MTTP: variants seen among roughly 807,000 people sequenced by gnomAD.
MTTP encodes microsomal triglyceride transfer protein large subunit.
Under a neutral mutation model 90.6 loss-of-function variants are expected in MTTP, and 49 were observed. That is an observed-to-expected ratio of 0.54 (90% CI 0.43 to 0.69). The LOEUF (loss-of-function observed/expected upper bound fraction) is 0.69. MTTP is among the 30% of genes least tolerant of loss of function. MTTP has a pLI of 0.00. For missense variants in MTTP, 945 were observed against 1,067.5 expected (o/e 0.89, Z 1.60); for synonymous variants, 347 against 384.2 (o/e 0.90, Z 1.13).
chr4:99,586,684 T>C (rs953735588), intron 3 of MTTP, among the ~76,000 whole-genome samples: 3 of 152,314 alleles, frequency 2.0e-5, no homozygotes, highest in Admixed American at 6.5e-5. Context: ...GGATTCTTTT[T>C]ATTATTTTTA....
intron 1 of MTTP, among the ~76,000 whole-genome samples, chr4:99,566,297 G>GAAAAAAAAA (rs567380343): frequency 4.8e-4 from 56 of 117,264 alleles, no homozygotes; most frequent in Non-Finnish European, 5.0e-4. Context: ...TCAAAAAAAA[G>GAAAAAAAAA]AAAAAAAAAA....
chr4:99,591,886 G>C (rs1725432841), intron 6 of MTTP, 96 bp downstream of exon 6: 1 of 1,157,124 alleles, frequency 8.6e-7, no homozygotes, highest in Non-Finnish European at 1.3e-6. Context: ...GTGTGTGTGT[G>C]TGCGCGTGTA....
At chr4:99,565,463 G>A (rs1724658255) in intron 1 of MTTP, among the ~76,000 whole-genome samples, 1 of 152,144 alleles carries the variant, frequency 6.6e-6, no homozygotes, top group Admixed American at 6.5e-5. Flanking sequence ...ACAAAAAATT[G>A]AAACATATAG....
chr4:99,593,272 G>T (rs1220112787), intron 6 of MTTP, among the ~76,000 whole-genome samples: 1 of 151,898 alleles, frequency 6.6e-6, no homozygotes, highest in South Asian at 2.1e-4. Flanking sequence ...TATTGAACAG[G>T]TTTTAAGTTT....
At chr4:99,599,230 A>T (rs1267359732) in intron 8 of MTTP, among the ~76,000 whole-genome samples, 1 of 152,232 alleles carries the variant, frequency 6.6e-6, no homozygotes, top group African/African-American at 2.4e-5. Flanking sequence ...ATCTTTAATC[A>T]GATAATATTC....
intron 12 of MTTP, 45 bp from the exon 13 acceptor site, chr4:99,611,098 T>C (rs1392880266): frequency 1.1e-5 from 18 of 1,569,706 alleles, no homozygotes; most frequent in Non-Finnish European, 1.5e-5. Context: ...TGGGAAACAG[T>C]CATTACAATG....
chr4:99,613,482 G>A (rs1726013580), intron 15 of MTTP, among the ~76,000 whole-genome samples: 1 of 152,130 alleles, frequency 6.6e-6, no homozygotes, highest in Non-Finnish European at 1.5e-5. Context: ...TATCCTGAAG[G>A]CAGGAGCTGA....
chr4:99,604,245 A>G (rs1177383308), intron 10 of MTTP, among the ~76,000 whole-genome samples: 1 of 152,216 alleles, frequency 6.6e-6, no homozygotes, highest in Non-Finnish European at 1.5e-5. Flanking sequence ...GGAACCTGCC[A>G]TTCTGTGTAG....
chr4:99,614,588 C>T (rs1421466892), intron 15 of MTTP, among the ~76,000 whole-genome samples: 1 of 152,150 alleles, frequency 6.6e-6, no homozygotes, highest in African/African-American at 2.4e-5. Context: ...CTTAAGATAT[C>T]ATCAGAATCC....
At chr4:99,609,058 G>C in intron 12 of MTTP, 81 bp downstream of exon 12, 1 of 1,316,324 alleles carries the variant, frequency 7.6e-7, no homozygotes, top group Non-Finnish European at 1.1e-6. Context: ...TAATAATAAT[G>C]ATGTGGTCAT....
At chr4:99,569,146 T>A (rs925747154) in intron 1 of MTTP, among the ~76,000 whole-genome samples, 9 of 152,142 alleles carry the variant, frequency 5.9e-5, no homozygotes, top group African/African-American at 1.2e-4. Context: ...GTTGATATTA[T>A]GTACCTCTGA....
Position 99,622,782 on chromosome 4 carries a change from G to C in MTTP, c.2619G>C (p.Glu873Asp). ...GATGTGAATTCCCGCTCCATCAAGAGAACTCAGAGATGTGCAAAGTGGTGT... is the reference window on the plus strand; with the variant it reads ...GATGTGAATTCCCGCTCCATCAAGACAACTCAGAGATGTGCAAAGTGGTGT... Reference protein sequence around the residue: ...LAGCEFPLHQENSEMCKVVFA... With the variant: ...LAGCEFPLHQDNSEMCKVVFA... The change falls in exon 18 of 18, where the codon GAG (glutamate) becomes GAC (aspartate). Residue 873 changes from glutamate (E) to aspartate (D), a missense_variant. Transcript: ENST00000265517. 6.2e-7 allele frequency: 1 copy of C among 1,614,126 alleles called. No individual in the cohort carries two copies. The highest frequency in any genetic ancestry group is 2.2e-5 in the East Asian group (1 of 44,870).
intron 1 of MTTP, among the ~76,000 whole-genome samples, chr4:99,577,605 C>CAAAAAAAAAAAA (rs10605949): frequency 2.7e-4 from 27 of 101,224 alleles, no homozygotes; most frequent in African/African-American, 3.9e-4. Context: ...AACTCTGTTT[C>CAAAAAAAAAAAA]AAAAAAAAAA....
At chr4:99,597,409 A>G (rs1456961383) in intron 8 of MTTP, among the ~76,000 whole-genome samples, 185 bp downstream of exon 8, 1 of 152,206 alleles carries the variant, frequency 6.6e-6, no homozygotes, top group Non-Finnish European at 1.5e-5. Context: ...TTGACCAGAA[A>G]TACAATAGCA....
intron 3 of MTTP, 47 bp from the exon 4 acceptor site, chr4:99,589,596 T>C (rs777300918): frequency 1.9e-6 from 2 of 1,044,210 alleles, no homozygotes; most frequent in East Asian, 2.4e-5. Context: ...ATCTGATAAA[T>C]GATGCATTTT....
chr4:99,596,447 A>T (rs1725553932), intron 7 of MTTP, among the ~76,000 whole-genome samples: 1 of 152,310 alleles, frequency 6.6e-6, no homozygotes, highest in Non-Finnish European at 1.5e-5. Context: ...TATTATTTTT[A>T]AAACCGCAAT....
chr4:99,622,732 A>C lies in MTTP; in HGVS notation c.2569A>C (p.Lys857Gln), dbSNP rs774165248. 6.2e-7 allele frequency: 1 copy of C among 1,614,108 alleles called. No individual in the cohort carries two copies. Among genetic ancestry groups the C allele is most frequent in the Non-Finnish European group, 8.5e-7 (1 of 1,179,966 alleles). Residue 857 changes from lysine (K) to glutamine (Q), a missense_variant, in exon 18 of 18, where the codon AAA (lysine) becomes CAA (glutamine). Transcript: ENST00000265517. ...CACAGGCAGAGGTTATGTCTCTCAG[A>C]AAAGAAAAGAAAGCGTATTAGCAGG... The part of the protein sequence containing the change: ...LSTGRGYVSQ[K>Q]RKESVLAGCE...
chr4:99,569,735 T>C (rs1210639658), intron 1 of MTTP, among the ~76,000 whole-genome samples: 3 of 152,150 alleles, frequency 2.0e-5, no homozygotes, highest in African/African-American at 7.2e-5. Flanking sequence ...CTCATATGTA[T>C]GTATATTGTT....
intron 3 of MTTP, among the ~76,000 whole-genome samples, chr4:99,589,356 G>C (rs549133684): frequency 6.6e-6 from 1 of 151,948 alleles, no homozygotes; most frequent in African/African-American, 2.4e-5. Context: ...TCTTCCCTGG[G>C]CCATCCTTGT....
Sources: allele counts gnomAD v4.1 joint callset (sites outside exome capture counted in the v4.1 genomes callset), GRCh38; gene constraint gnomAD v4.1.1; transcripts MANE v1.5; gene names NCBI Gene and HGNC (gene_info 2026-07-23, HGNC 2026-07-21).